The following MECOM variants were observed in gnomAD, a reference collection of about 807,000 sequenced individuals.
The protein encoded by MECOM is histone-lysine N-methyltransferase MECOM.
In MECOM, 13 loss-of-function variants were observed where a neutral mutation model predicts 116.3. The ratio of observed to expected loss-of-function variants is 0.11; its 90% CI spans 0.07 to 0.18. The LOEUF is 0.18. Ranked by LOEUF, MECOM falls within the 10% of genes least tolerant of loss-of-function variation. MECOM has a pLI of 1.00. For synonymous variants in MECOM, 528 were observed against 535.2 expected (o/e 0.99, Z 0.19); for missense variants, 1,299 against 1,509.0 (o/e 0.86, Z 2.31).
At chr3:169,548,493 A>G (rs2109284617) in intron 1 of MECOM, among the ~76,000 whole-genome samples, 1 of 152,366 alleles carries the variant, frequency 6.6e-6, no homozygotes, top group Admixed American at 6.5e-5. Context: ...TTCTTGGAAC[A>G]CAAGCTCTAA....
intron 1 of MECOM, among the ~76,000 whole-genome samples, chr3:169,473,961 G>A (rs529960730): frequency 1.3e-5 from 2 of 152,184 alleles, no homozygotes; most frequent in South Asian, 2.1e-4. Context: ...GAAAGAATAC[G>A]CTCGCATCTT....
intron 1 of MECOM, among the ~76,000 whole-genome samples, chr3:169,662,871 C>A (rs569767249): frequency 0.023 from 3,511 of 151,980 alleles, 138 homozygotes; most frequent in African/African-American, 0.082. Context: ...CTTCTCCTGC[C>A]GGCCCCCCAT....
intron 1 of MECOM, among the ~76,000 whole-genome samples, chr3:169,506,991 G>A (rs1300564486): frequency 2.6e-5 from 4 of 152,104 alleles, no homozygotes; most frequent in African/African-American, 4.8e-5. Flanking sequence ...TTTCAGTCTC[G>A]TCCTTCATCA....
intron 2 of MECOM, among the ~76,000 whole-genome samples, chr3:169,369,342 C>CTTTTTTTTTT (rs10661629): frequency 1.3e-4 from 11 of 86,972 alleles, no homozygotes; most frequent in Admixed American, 3.3e-4. Flanking sequence ...TGATTGCAGC[C>CTTTTTTTTTT]TTTTTTTTTT....
intron 2 of MECOM, among the ~76,000 whole-genome samples, chr3:169,256,773 C>T (rs553663207): frequency 6.6e-6 from 1 of 152,304 alleles, no homozygotes; most frequent in East Asian, 1.9e-4. Flanking sequence ...GATGCCTGGG[C>T]ACATCTAGCT....
intron 2 of MECOM, among the ~76,000 whole-genome samples, chr3:169,178,907 C>T (rs1745572064): frequency 6.6e-6 from 1 of 152,146 alleles, no homozygotes; most frequent in South Asian, 2.1e-4. Flanking sequence ...GAAGTTTTCA[C>T]AGAACATTCA....
At chr3:169,499,741 T>A (rs1209804538) in intron 1 of MECOM, among the ~76,000 whole-genome samples, 1 of 151,790 alleles carries the variant, frequency 6.6e-6, no homozygotes, top group Non-Finnish European at 1.5e-5. Flanking sequence ...AAAATAGGAG[T>A]TGATGGCAAG....
At chr3:169,344,498 C>T (rs1427338201) in intron 2 of MECOM, among the ~76,000 whole-genome samples, 1 of 152,090 alleles carries the variant, frequency 6.6e-6, no homozygotes, top group Non-Finnish European at 1.5e-5. Context: ...CCAGTGAAAG[C>T]CCTGAGTGTC....
At position 169,263,124 on chromosome 3, in the gene MECOM, TATATG is replaced by T. The variant is rs1475580545; in HGVS notation, c.375+118058_375+118062del. ...ATATATATATATATATATATATATA[TATATG>T]TTTTTTTTTTTTTTTTTGAGACAGA... On this transcript the variant is annotated intron_variant, in intron 2 of 16. Coordinates refer to ENST00000651503, the MANE Select transcript of MECOM (RefSeq NM_004991.4). Among the ~76,000 whole-genome samples, 379 of 60,844 alleles carry T rather than the reference TATATG, an allele frequency of 6.2e-3. 7 individuals are homozygous for T. Among genetic ancestry groups the T allele is most frequent in the African/African-American group, 0.017 (185 of 10,598 alleles). 39.9% of individuals were successfully genotyped at this position (60,844 alleles called of 152,430 possible).
At chr3:169,216,205 A>G (rs1388659158) in intron 2 of MECOM, among the ~76,000 whole-genome samples, 1 of 152,136 alleles carries the variant, frequency 6.6e-6, no homozygotes, top group African/African-American at 2.4e-5. Flanking sequence ...CAAATCCCGA[A>G]TCTTTCTTTT....
chr3:169,299,740 G>A (rs1042803612), intron 2 of MECOM, among the ~76,000 whole-genome samples: 3 of 152,162 alleles, frequency 2.0e-5, no homozygotes, highest in Non-Finnish European at 2.9e-5. Context: ...TTCAAACTGT[G>A]TATTCACTAG....
chr3:169,642,433 CGA>C (rs1773612961), intron 1 of MECOM, among the ~76,000 whole-genome samples: 1 of 140,854 alleles, frequency 7.1e-6, no homozygotes. Context: ...GGCAACAGAG[CGA>C]GACTCCATCT....
chr3:169,379,546 A>G (rs1331511534), intron 2 of MECOM, among the ~76,000 whole-genome samples: 2 of 152,176 alleles, frequency 1.3e-5, no homozygotes, highest in African/African-American at 2.4e-5. Context: ...AGGAGAAAAA[A>G]ATAATTATTT....
At chr3:169,544,995 A>T (rs555014144) in intron 1 of MECOM, among the ~76,000 whole-genome samples, 2 of 152,258 alleles carry the variant, frequency 1.3e-5, no homozygotes, top group East Asian at 3.9e-4. Context: ...TATGTAACAA[A>T]CCTGCACGTT....
intron 1 of MECOM, among the ~76,000 whole-genome samples, chr3:169,440,964 C>G (rs1743551303): frequency 6.6e-6 from 1 of 152,174 alleles, no homozygotes; most frequent in African/African-American, 2.4e-5. Flanking sequence ...AGCTGATCCT[C>G]CTATCTGCAG....
At chr3:169,538,105 T>C (rs1402802840) in intron 1 of MECOM, among the ~76,000 whole-genome samples, 1 of 152,234 alleles carries the variant, frequency 6.6e-6, no homozygotes, top group Non-Finnish European at 1.5e-5. Context: ...TTGATTCTAA[T>C]GTGCAGCCAG....
At chr3:169,463,113 G>C (rs1031854042) in intron 1 of MECOM, among the ~76,000 whole-genome samples, 2 of 152,126 alleles carry the variant, frequency 1.3e-5, no homozygotes, top group African/African-American at 4.8e-5. Flanking sequence ...TTATATGTCT[G>C]TGAGCATACA....
intron 2 of MECOM, among the ~76,000 whole-genome samples, chr3:169,319,765 G>T (rs953666901): frequency 1.3e-5 from 2 of 152,182 alleles, no homozygotes; most frequent in African/African-American, 4.8e-5. Flanking sequence ...TGTAAAGTGG[G>T]GAAATGATAC....
At chr3:169,388,676 G>A (rs1267053337) in intron 1 of MECOM, among the ~76,000 whole-genome samples, 4 of 152,140 alleles carry the variant, frequency 2.6e-5, no homozygotes, top group African/African-American at 4.8e-5. Flanking sequence ...TGCTCCAGAG[G>A]GGAGTGAGAA....
Sources: gnomAD v4.1 joint callset for allele counts (sites outside exome capture counted in the v4.1 genomes callset) on GRCh38, gnomAD v4.1.1 for gene constraint, MANE v1.5 for transcripts, NCBI Gene and HGNC (gene_info 2026-07-23, HGNC 2026-07-21) for gene names.